Variants in NRXN1 observed in about 807,000 individuals in gnomAD.
NRXN1 encodes neurexin 1.
In NRXN1, 39 loss-of-function variants were observed where a neutral mutation model predicts 150.9. The observed-to-expected ratio is 0.26, with a 90% CI of 0.20 to 0.34. The LOEUF (loss-of-function observed/expected upper bound fraction) is 0.34, where lower values mean the gene tolerates loss of function less well. Ranked by LOEUF, NRXN1 falls within the 10% of genes least tolerant of loss-of-function variation. NRXN1 has a pLI of 1.00. For synonymous variants in NRXN1, 924 were observed against 757.0 expected, an observed-to-expected ratio of 1.22 and a Z score of -3.62; for missense variants, 1,815 against 1,949.9, an observed-to-expected ratio of 0.93 and a Z score of 1.30.
intron 21 of NRXN1, among the ~76,000 whole-genome samples, chr2:49,954,701 A>T (rs1397688227): frequency 2.6e-5 from 4 of 152,206 alleles, no homozygotes; most frequent in Non-Finnish European, 4.4e-5. Context: ...TTTGTCTTCT[A>T]TACGGATTAA....
chr2:50,086,263 G>A (rs1226915620), intron 19 of NRXN1, among the ~76,000 whole-genome samples: 18 of 152,078 alleles, frequency 1.2e-4, no homozygotes, highest in Admixed American at 1.1e-3. Flanking sequence ...ATAAATTACT[G>A]ATGACTTGAA....
Position 50,877,648 on chromosome 2 carries a change from G to C in NRXN1, c.832+44221C>G, listed in dbSNP as rs527761689. Among the ~76,000 whole-genome samples, 5 of 152,002 alleles carry C rather than the reference G, an allele frequency of 3.3e-5. No homozygotes were observed. In the East Asian group the frequency reaches 9.7e-4, roughly 30 times the overall value. Reference sequence around the variant, plus strand: ...AAATCTGAAGGTTTCTTGAAAACAAGCAATATAATCACTTGACTATACTAC... The same window carrying C: ...AAATCTGAAGGTTTCTTGAAAACAACCAATATAATCACTTGACTATACTAC... On this transcript the variant is annotated intron_variant, in intron 5 of 22. Transcript: ENST00000401669.
intron 5 of NRXN1, among the ~76,000 whole-genome samples, chr2:50,895,753 T>C (rs562926974): frequency 6.2e-4 from 95 of 152,032 alleles, no homozygotes; most frequent in African/African-American, 1.9e-3. Context: ...GCTAATTTTG[T>C]ATTTTTAGTA....
At chr2:50,317,990 A>C (rs1448612964) in intron 17 of NRXN1, among the ~76,000 whole-genome samples, 1 of 152,078 alleles carries the variant, frequency 6.6e-6, no homozygotes, top group Non-Finnish European at 1.5e-5. Flanking sequence ...AAATACTGAT[A>C]ATTTAACTAT....
intron 13 of NRXN1, among the ~76,000 whole-genome samples, chr2:50,500,150 AAT>A (rs1166896248): frequency 6.6e-6 from 1 of 152,246 alleles, no homozygotes; most frequent in Admixed American, 6.5e-5. Flanking sequence ...CTTGAAATTA[AAT>A]ATTACCTCCA....
intron 13 of NRXN1, among the ~76,000 whole-genome samples, chr2:50,505,008 A>C (rs2092146147): frequency 6.6e-6 from 1 of 152,158 alleles, no homozygotes; most frequent in African/African-American, 2.4e-5. Context: ...TCTGAACTCC[A>C]AGACTATAAA....
chr2:51,020,891 T>C (rs1049675026), intron 2 of NRXN1, among the ~76,000 whole-genome samples: 20 of 152,012 alleles, frequency 1.3e-4, no homozygotes, highest in African/African-American at 4.6e-4. Context: ...CAAGTAGAAC[T>C]ACATGGAATC....
chr2:50,611,560 C>T (rs978167445), intron 8 of NRXN1, among the ~76,000 whole-genome samples: 4 of 152,138 alleles, frequency 2.6e-5, no homozygotes, highest in South Asian at 4.1e-4. Context: ...CTGGTTTCTG[C>T]CCCAATTGTT....
intron 21 of NRXN1, among the ~76,000 whole-genome samples, chr2:49,960,156 G>T (rs959059075): frequency 6.6e-6 from 1 of 152,138 alleles, no homozygotes; most frequent in Non-Finnish European, 1.5e-5. Flanking sequence ...CATGGCAATG[G>T]TTTGCAAGAA....
chr2:50,037,640 A>T (rs1387666035), intron 21 of NRXN1, among the ~76,000 whole-genome samples: 2 of 152,222 alleles, frequency 1.3e-5, no homozygotes, highest in African/African-American at 4.8e-5. Flanking sequence ...ATCAGAAGTG[A>T]ATGACAATGC....
chr2:50,404,080 A>AC (rs1231798782), intron 17 of NRXN1, among the ~76,000 whole-genome samples: 15 of 151,648 alleles, frequency 9.9e-5, no homozygotes, highest in Non-Finnish European at 1.9e-4. Flanking sequence ...CTTACTCCCT[A>AC]CCCCCTACCA....
chr2:50,050,189 T>A (rs1692489227), intron 21 of NRXN1, among the ~76,000 whole-genome samples: 1 of 149,226 alleles, frequency 6.7e-6, no homozygotes, highest in Admixed American at 6.7e-5. Context: ...TAAAAGGATA[T>A]TTACTTTAAG....
intron 5 of NRXN1, among the ~76,000 whole-genome samples, chr2:50,700,062 A>G (rs1007576110): frequency 6.6e-6 from 1 of 152,170 alleles, no homozygotes; most frequent in Non-Finnish European, 1.5e-5. Context: ...TTTAAAAAAA[A>G]TTGTTCCTTT....
At chr2:50,158,004 TA>T (rs1417072359) in intron 18 of NRXN1, among the ~76,000 whole-genome samples, 2 of 146,016 alleles carry the variant, frequency 1.4e-5, no homozygotes, top group Non-Finnish European at 3.0e-5. Flanking sequence ...AGGGCAATTA[TA>T]AAAAAAAAGA....
chr2:50,439,681 G>T (rs964844751), intron 17 of NRXN1, among the ~76,000 whole-genome samples: 1 of 151,978 alleles, frequency 6.6e-6, no homozygotes, highest in Non-Finnish European at 1.5e-5. Context: ...GTCGGGCGTG[G>T]TGGCGGGTAC....
chr2:50,813,176 C>A (rs1411626434), intron 5 of NRXN1, among the ~76,000 whole-genome samples: 1 of 150,994 alleles, frequency 6.6e-6, no homozygotes, highest in African/African-American at 2.4e-5. Context: ...GCCAGGGTGA[C>A]AGCAACACCT....
intron 15 of NRXN1, among the ~76,000 whole-genome samples, chr2:50,485,402 G>C (rs2090794609): frequency 1.3e-5 from 2 of 152,226 alleles, no homozygotes; most frequent in African/African-American, 2.4e-5. Context: ...TATGCAGTGA[G>C]TTTGTGCTCC....
chr2:50,289,829 A>C (rs1422454607), intron 17 of NRXN1, among the ~76,000 whole-genome samples: 4 of 152,174 alleles, frequency 2.6e-5, no homozygotes, highest in Non-Finnish European at 5.9e-5. Flanking sequence ...CAGGAAGGAA[A>C]TATGATATCT....
At chr2:50,480,688 C>G (rs190413127) in intron 15 of NRXN1, among the ~76,000 whole-genome samples, 1 of 152,258 alleles carries the variant, frequency 6.6e-6, no homozygotes, top group African/African-American at 2.4e-5. Flanking sequence ...TAGAGTCCTT[C>G]TAGTTTGTAG....
Sources: gnomAD v4.1 joint callset for allele counts (sites outside exome capture counted in the v4.1 genomes callset) on GRCh38, gnomAD v4.1.1 for gene constraint, MANE v1.5 for transcripts, NCBI Gene and HGNC (gene_info 2026-07-23, HGNC 2026-07-21) for gene names.